The following SNX27 variants were observed in gnomAD, a reference collection of about 807,000 sequenced individuals.
SNX27 encodes the protein sorting nexin-27.
Under a neutral mutation model 71.6 loss-of-function variants are expected in SNX27, and 22 were observed. The ratio of observed to expected loss-of-function variants is 0.31; its 90% CI spans 0.22 to 0.44. SNX27 has a LOEUF of 0.44. Ranked by LOEUF, SNX27 falls within the 20% of genes least tolerant of loss-of-function variation. SNX27 has a pLI of 1.00. For missense variants in SNX27, 531 were observed against 698.6 expected (o/e 0.76, Z 2.70); for synonymous variants, 269 against 277.2 (o/e 0.97, Z 0.29).
chr1:151,674,359 A>G (rs1328848769), intron 7 of SNX27, among the ~76,000 whole-genome samples: 1 of 152,154 alleles, frequency 6.6e-6, no homozygotes, highest in Non-Finnish European at 1.5e-5. Context: ...ATACCCCCAC[A>G]CTTTTTAACT....
chr1:151,649,154 G>C (rs1168327437), intron 2 of SNX27, among the ~76,000 whole-genome samples: 1 of 151,692 alleles, frequency 6.6e-6, no homozygotes, highest in East Asian at 1.9e-4. Flanking sequence ...TAGAGACAGG[G>C]TTTCACCATG....
At chr1:151,617,263 T>TTTTA (rs71090200) in intron 1 of SNX27, among the ~76,000 whole-genome samples, 12,587 of 151,206 alleles carry the variant, frequency 0.083, 902 homozygotes, top group African/African-American at 0.2. Context: ...TAGTTTGTAG[T>TTTTA]TTTATTTATT....
At chr1:151,663,988 T>C (rs1261668454) in intron 5 of SNX27, among the ~76,000 whole-genome samples, 1 of 151,732 alleles carries the variant, frequency 6.6e-6, no homozygotes, top group Non-Finnish European at 1.5e-5. Context: ...CAACTAACGC[T>C]ATTTAATTAT....
Position 151,612,303 on chromosome 1 carries a change from C to T in SNX27, c.102C>T (p.Gly34=), listed in dbSNP as rs1368585494. 2.0e-6 allele frequency: 3 copies of T among 1,517,806 alleles called. No individual in the cohort carries two copies. Among genetic ancestry groups the T allele is most frequent in the Admixed American group, 2.2e-5 (1 of 44,768 alleles). 94.0% of individuals were successfully genotyped at this position (1,517,806 alleles called of 1,614,324 possible). Reference sequence around the variant, plus strand: ...CTGGGCTCCACTGCGCCGGGAACGGCGGCGGGGGAGGCGGCGGCCCGCGGG... The same window carrying T: ...CTGGGCTCCACTGCGCCGGGAACGGTGGCGGGGGAGGCGGCGGCCCGCGGG... The part of the protein sequence containing the change: ...GGSGLHCAGN[G]GGGGGGPRVV... Residue 34 remains glycine, a synonymous_variant, in exon 1 of 12, where the codon GGC becomes GGT. Coordinates refer to ENST00000458013, the MANE Select transcript of SNX27 (RefSeq NM_001330723.2). The surrounding 1 kb of genome is among the most constrained non-coding windows in gnomAD (Gnocchi z 5.2).
intron 1 of SNX27, chr1:151,614,177 GAA>G (rs78634843): frequency 3.0e-5 from 4 of 135,140 alleles, no homozygotes; most frequent in Admixed American, 7.4e-5. Flanking sequence ...AGAGTTGATT[GAA>G]AAAAAAAAAA....
At chr1:151,673,675 A>G (rs1401605453) in intron 7 of SNX27, among the ~76,000 whole-genome samples, 1 of 152,162 alleles carries the variant, frequency 6.6e-6, no homozygotes, top group Non-Finnish European at 1.5e-5. Context: ...CTTTAGCTGT[A>G]ATAATATTTG....
At chr1:151,645,926 A>C (rs762981614) in intron 2 of SNX27, among the ~76,000 whole-genome samples, 1 of 152,236 alleles carries the variant, frequency 6.6e-6, no homozygotes, top group South Asian at 2.1e-4. Flanking sequence ...CAGAATTTAT[A>C]GTGGTTACAG....
intron 3 of SNX27, chr1:151,659,595 G>C (rs899630817): frequency 2.6e-5 from 4 of 152,392 alleles, no homozygotes; most frequent in African/African-American, 9.6e-5. Context: ...TGATACATCA[G>C]GAGTCTGTGG....
intron 1 of SNX27, among the ~76,000 whole-genome samples, chr1:151,637,952 G>A (rs1668543341): frequency 6.6e-6 from 1 of 152,240 alleles, no homozygotes; most frequent in Admixed American, 6.5e-5. Context: ...CCATGGGAGG[G>A]AACCTCCAGG....
chr1:151,632,322 T>TTC (rs113131766), intron 1 of SNX27, among the ~76,000 whole-genome samples: 3,494 of 152,054 alleles, frequency 0.023, 125 homozygotes, highest in African/African-American at 0.078. Flanking sequence ...CACGCCCGGC[T>TTC]AATTTTTGTA....
At chr1:151,660,238 C>A (rs978061054) in intron 3 of SNX27, 14 of 150,638 alleles carry the variant, frequency 9.3e-5, no homozygotes, top group African/African-American at 3.4e-4. Context: ...CACGTCCCCC[C>A]AGTTTTTTTT....
chr1:151,618,818 G>C (rs957976873), intron 1 of SNX27, among the ~76,000 whole-genome samples: 1 of 152,092 alleles, frequency 6.6e-6, no homozygotes, highest in Non-Finnish European at 1.5e-5. Flanking sequence ...AGCCATTTAG[G>C]TTCATTCTTT....
At chr1:151,650,689 G>A (rs1361108437) in intron 2 of SNX27, among the ~76,000 whole-genome samples, 1 of 152,040 alleles carries the variant, frequency 6.6e-6, no homozygotes. Context: ...GTGGAGGGAA[G>A]GTCAGCAGAT....
intron 1 of SNX27, among the ~76,000 whole-genome samples, chr1:151,616,195 A>G (rs1558031101): frequency 6.6e-6 from 1 of 152,226 alleles, no homozygotes; most frequent in Non-Finnish European, 1.5e-5. Context: ...ACCAAAATAA[A>G]TATGTCTTTG....
At chr1:151,692,412 T>C in intron 8 of SNX27, 23 bp from the exon 9 acceptor site, 1 of 1,327,022 alleles carries the variant, frequency 7.5e-7, no homozygotes, top group African/African-American at 1.6e-5. Flanking sequence ...CTTCCTTTTT[T>C]TTTTTTTTTT....
intron 2 of SNX27, among the ~76,000 whole-genome samples, chr1:151,640,402 A>G (rs1249937434): frequency 6.6e-6 from 1 of 152,092 alleles, no homozygotes; most frequent in Non-Finnish European, 1.5e-5. Flanking sequence ...TTTTAAGACG[A>G]AGTCTCACTC....
intron 1 of SNX27, among the ~76,000 whole-genome samples, chr1:151,637,153 G>GTTTTTTTTTTTT: frequency 6.2e-5 from 4 of 64,080 alleles, no homozygotes; most frequent in Admixed American, 4.6e-4. Context: ...AGTTGATCAC[G>GTTTTTTTTTTTT]TTTTTTTTGT....
intron 2 of SNX27, among the ~76,000 whole-genome samples, chr1:151,641,596 C>CATATATATATATATAT (rs1553257776): frequency 7.0e-5 from 1 of 14,196 alleles, no homozygotes; most frequent in Admixed American, 1.2e-3. Context: ...AGTCCTTTAT[C>CATATATATATATATAT]AGATATATAT....
chr1:151,636,673 A>G (rs1327725659), intron 1 of SNX27, among the ~76,000 whole-genome samples: 3 of 151,192 alleles, frequency 2.0e-5, no homozygotes, highest in Admixed American at 6.6e-5. Flanking sequence ...TTGTAAAAAA[A>G]AAAAAAAAAA....
Sources: allele counts gnomAD v4.1 joint callset (sites outside exome capture counted in the v4.1 genomes callset), GRCh38; gene constraint gnomAD v4.1.1; non-coding constraint Gnocchi (gnomAD v3.1); transcripts MANE v1.5; gene names NCBI Gene and HGNC (gene_info 2026-07-23, HGNC 2026-07-21).